Variants in CLEC16A observed in about 807,000 individuals in gnomAD.
CLEC16A encodes protein CLEC16A.
In CLEC16A, 51 loss-of-function variants were observed where a neutral mutation model predicts 109.5. That is an observed-to-expected ratio of 0.47 (90% CI 0.37 to 0.59). CLEC16A has a LOEUF of 0.59. Ranked by LOEUF, CLEC16A falls within the 20% of genes least tolerant of loss-of-function variation. CLEC16A has a pLI of 0.00. For missense variants in CLEC16A, 1,339 were observed against 1,394.0 expected (o/e 0.96, Z 0.63); for synonymous variants, 673 against 564.2 (o/e 1.19, Z -2.73).
chr16:11,100,840 G>A (rs751528084), intron 19 of CLEC16A, among the ~76,000 whole-genome samples: 2 of 152,198 alleles, frequency 1.3e-5, no homozygotes, highest in Non-Finnish European at 2.9e-5. Context: ...TGCAGGGTTT[G>A]CAGATGAACT....
chr16:11,102,733 G>A (rs1158769489), intron 19 of CLEC16A, among the ~76,000 whole-genome samples: 1 of 152,212 alleles, frequency 6.6e-6, no homozygotes, highest in African/African-American at 2.4e-5. Context: ...TCAGCTCAGT[G>A]TTCTCCCCAC....
At chr16:11,134,246 A>G (rs2053427205) in intron 22 of CLEC16A, among the ~76,000 whole-genome samples, 2 of 146,538 alleles carry the variant, frequency 1.4e-5, no homozygotes. Context: ...CCTCACTGGT[A>G]CCAGGCAAAA....
chr16:10,999,789 T>C (rs1373265718), intron 10 of CLEC16A, among the ~76,000 whole-genome samples: 1 of 152,224 alleles, frequency 6.6e-6, no homozygotes, highest in Non-Finnish European at 1.5e-5. Context: ...AGGTAATGTT[T>C]TGTGTTGGAT....
At chr16:11,141,491 G>A (rs1169486740) in intron 22 of CLEC16A, among the ~76,000 whole-genome samples, 5 of 152,244 alleles carry the variant, frequency 3.3e-5, no homozygotes, top group Non-Finnish European at 5.9e-5. Context: ...GGGGGGCACT[G>A]GGTTGTCGGG....
At chr16:11,161,514 A>G (rs903952709) in intron 22 of CLEC16A, among the ~76,000 whole-genome samples, 1 of 152,094 alleles carries the variant, frequency 6.6e-6, no homozygotes, top group African/African-American at 2.4e-5. Flanking sequence ...GCAGATCGCC[A>G]TATTTCCACA....
intron 18 of CLEC16A, among the ~76,000 whole-genome samples, chr16:11,052,542 A>G (rs1259509364): frequency 2.0e-5 from 3 of 152,068 alleles, no homozygotes; most frequent in Non-Finnish European, 4.4e-5. Flanking sequence ...TCTTGAGTCA[A>G]TCCACATTTC....
intron 10 of CLEC16A, among the ~76,000 whole-genome samples, chr16:10,997,519 A>G (rs931579995): frequency 6.6e-6 from 1 of 152,184 alleles, no homozygotes; most frequent in African/African-American, 2.4e-5. Flanking sequence ...GATAAAATAA[A>G]CATAAAATTC....
At chr16:11,085,595 G>A (rs2049968369) in intron 19 of CLEC16A, among the ~76,000 whole-genome samples, 1 of 152,244 alleles carries the variant, frequency 6.6e-6, no homozygotes, top group Non-Finnish European at 1.5e-5. Flanking sequence ...TGTGTTATAA[G>A]TGCTTGGTAG....
rs574020124 is a variant in CLEC16A, at chr16:11,085,863, A to AT, written c.2116+24843dup. Among the ~76,000 whole-genome samples the AT allele has an allele frequency of 9.9e-5, 15 of 152,266 alleles. 1 individual carries two copies. In the South Asian group the frequency reaches 2.1e-3, roughly 21 times the overall value. Reference sequence around the variant, plus strand: ...CACCTCAGCCTTCCAGAGAGCTGGGATTACAGGCGTGAGCCACTGTGCCTG... The same window carrying AT: ...CACCTCAGCCTTCCAGAGAGCTGGGATTTACAGGCGTGAGCCACTGTGCCTG... On this transcript the variant is annotated intron_variant, in intron 19 of 23. Coordinates refer to ENST00000409790, the MANE Select transcript of CLEC16A (RefSeq NM_015226.3).
chr16:11,177,613 A>AG (rs2068806960), intron 23 of CLEC16A, among the ~76,000 whole-genome samples: 1 of 151,902 alleles, frequency 6.6e-6, no homozygotes, highest in African/African-American at 2.4e-5. Context: ...AAAAAAAAAA[A>AG]AAAAAGCACC....
At chr16:10,970,145 A>G (rs1244492783) in intron 4 of CLEC16A, among the ~76,000 whole-genome samples, 2 of 152,174 alleles carry the variant, frequency 1.3e-5, no homozygotes, top group East Asian at 3.8e-4. Flanking sequence ...CTGTGGTTCA[A>G]CAGTATCAGC....
At chr16:10,947,924 T>C (rs8056883) in intron 1 of CLEC16A, among the ~76,000 whole-genome samples, 148,162 of 151,912 alleles carry the variant, frequency 0.98, 72,350 homozygotes, top group East Asian at 1. Context: ...ATAAGAGTCT[T>C]GCTCTGTTGC....
At position 10,954,423 on chromosome 16, in the gene CLEC16A, T is replaced by C. The variant is rs986080596; in HGVS notation, c.81-3359T>C. 3.9e-5 allele frequency among the ~76,000 whole-genome samples: 6 copies of C among 152,170 alleles called. No homozygotes were observed. Among genetic ancestry groups the C allele is most frequent in the African/African-American group, 1.4e-4 (6 of 41,474 alleles). ...CCTTCTGGTAGTTACTAGGTCTTTT[T>C]CCCCCAGAAATTATTTAATAAGGGC... is the stretch of plus-strand genomic sequence containing the variant. On this transcript the variant is annotated intron_variant, in intron 1 of 23. Coordinates refer to ENST00000409790, the MANE Select transcript of CLEC16A (RefSeq NM_015226.3). The surrounding 1 kb of genome is among the most constrained non-coding windows in gnomAD (Gnocchi z 4.2).
At chr16:11,029,263 GC>G (rs998252149) in intron 13 of CLEC16A, among the ~76,000 whole-genome samples, 1 of 151,932 alleles carries the variant, frequency 6.6e-6, no homozygotes, top group Admixed American at 6.6e-5. Context: ...CTCCACACTG[GC>G]CCCCCCAGTG....
intron 20 of CLEC16A, among the ~76,000 whole-genome samples, chr16:11,121,986 C>G (rs1237120659): frequency 6.6e-6 from 1 of 152,034 alleles, no homozygotes; most frequent in Non-Finnish European, 1.5e-5. Context: ...AAAGCAGCCT[C>G]CCAGGTCGCC....
intron 19 of CLEC16A, among the ~76,000 whole-genome samples, chr16:11,090,971 A>G (rs1189456654): frequency 1.3e-5 from 2 of 151,842 alleles, no homozygotes; most frequent in African/African-American, 2.4e-5. Context: ...TGCCCAGCCT[A>G]TTTTAATTTT....
At chr16:11,102,538 T>A (rs2050980760) in intron 19 of CLEC16A, among the ~76,000 whole-genome samples, 1 of 152,264 alleles carries the variant, frequency 6.6e-6, no homozygotes, top group Non-Finnish European at 1.5e-5. Context: ...GCTATAAATG[T>A]GTCCCCTGGT....
chr16:11,000,883 T>C (rs543621225), intron 10 of CLEC16A, among the ~76,000 whole-genome samples: 7 of 152,210 alleles, frequency 4.6e-5, no homozygotes, highest in Admixed American at 2.6e-4. Context: ...CAGCATATAA[T>C]TGGTGGTCGT....
At chr16:11,054,060 C>G (rs890597284) in intron 18 of CLEC16A, among the ~76,000 whole-genome samples, 1 of 152,244 alleles carries the variant, frequency 6.6e-6, no homozygotes, top group African/African-American at 2.4e-5. Flanking sequence ...GGCACCAACA[C>G]GGCAGTGATT....
Sources: gnomAD v4.1 joint callset for allele counts (sites outside exome capture counted in the v4.1 genomes callset) on GRCh38, gnomAD v4.1.1 for gene constraint, Gnocchi (gnomAD v3.1) non-coding constraint, MANE v1.5 for transcripts, NCBI Gene and HGNC (gene_info 2026-07-23, HGNC 2026-07-21) for gene names.